Variants in PTPRC observed in about 807,000 individuals in gnomAD.
PTPRC encodes the protein receptor-type tyrosine-protein phosphatase C.
Under a neutral mutation model 155.9 loss-of-function variants are expected in PTPRC, and 44 were observed. The ratio of observed to expected loss-of-function variants is 0.28; its 90% CI spans 0.22 to 0.36. The LOEUF (loss-of-function observed/expected upper bound fraction) is 0.36. Among genes scored for constraint, PTPRC ranks in the 10% least tolerant of loss-of-function variants. The pLI is 1.00. For synonymous variants in PTPRC, 525 were observed against 533.1 expected, an observed-to-expected ratio of 0.98 and a Z score of 0.21; for missense variants, 1,401 against 1,564.6, an observed-to-expected ratio of 0.90 and a Z score of 1.76.
intron 5 of PTPRC, 82 bp from the exon 6 acceptor site, chr1:198,702,305 A>C: frequency 6.5e-7 from 1 of 1,548,304 alleles, no homozygotes; most frequent in Non-Finnish European, 8.9e-7. Context: ...TATCTTTAGT[A>C]ATTGTGTTTA....
chr1:198,649,460 A>G (rs931656592), intron 2 of PTPRC, among the ~76,000 whole-genome samples: 1 of 152,032 alleles, frequency 6.6e-6, no homozygotes, highest in East Asian at 1.9e-4. Context: ...ACCAAAGAAA[A>G]AGGAAAAGGT....
intron 28 of PTPRC, 36 bp downstream of exon 28, chr1:198,749,585 C>T (rs759829579): frequency 6.3e-7 from 1 of 1,589,128 alleles, no homozygotes; most frequent in Admixed American, 1.7e-5. Context: ...AAGATCCAAA[C>T]ATTTTAAAAT....
rs985421617 is a variant in PTPRC, at chr1:198,716,891, A to G, written c.1450+51A>G. On this transcript the variant is annotated intron_variant, in intron 13 of 32. Transcript: ENST00000442510. The stretch of plus-strand genomic sequence containing the variant: ...TTCCATAAATGGTAAAAAGCAAGGT[A>G]TGAACTTTTTAGCCTACAATATTTC... 4.5e-6 allele frequency: 7 copies of G among 1,559,970 alleles called. No individual in the cohort carries two copies. The South Asian group carries it at 5.6e-5, about 13-fold the overall frequency.
intron 25 of PTPRC, among the ~76,000 whole-genome samples, 156 bp from the exon 26 acceptor site, chr1:198,743,898 A>G (rs1655023722): frequency 6.6e-6 from 1 of 151,878 alleles, no homozygotes; most frequent in Admixed American, 6.6e-5. Context: ...CTGAGAGTGA[A>G]CTTCCAGAAT....
chr1:198,700,749 G>C (rs560447979), intron 5 of PTPRC, among the ~76,000 whole-genome samples: 16 of 147,878 alleles, frequency 1.1e-4, no homozygotes, highest in Admixed American at 3.3e-4. Flanking sequence ...TCTTCTCAAA[G>C]AAGTGGCTAA....
intron 2 of PTPRC, among the ~76,000 whole-genome samples, chr1:198,680,385 G>A (rs942071905): frequency 2.6e-5 from 4 of 151,766 alleles, no homozygotes; most frequent in Non-Finnish European, 5.9e-5. Flanking sequence ...CCCGGCAGGC[G>A]GAGGTTGCAG....
chr1:198,685,608 T>C (rs1665575702), intron 2 of PTPRC, among the ~76,000 whole-genome samples: 1 of 149,686 alleles, frequency 6.7e-6, no homozygotes, highest in Admixed American at 6.7e-5. Context: ...CTGTGGACCA[T>C]ATAGCAGATT....
chr1:198,648,615 T>G (rs1375313767), intron 2 of PTPRC, among the ~76,000 whole-genome samples: 7 of 151,852 alleles, frequency 4.6e-5, no homozygotes, highest in Non-Finnish European at 7.4e-5. Flanking sequence ...TTTAGCTACT[T>G]ACATGAACCA....
At position 198,742,150 on chromosome 1, in the gene PTPRC, G is replaced by T. The variant is rs1014607698; in HGVS notation, c.2562-82G>T. On this transcript the variant is annotated intron_variant, in intron 24 of 32. Coordinates refer to ENST00000442510, the MANE Select transcript of PTPRC (RefSeq NM_002838.5). ...CTATTTTGGGAAACAACCTATGGGAGAAGCTTAGATTCTTATATTGGCTTC... is the reference window on the plus strand; with the variant it reads ...CTATTTTGGGAAACAACCTATGGGATAAGCTTAGATTCTTATATTGGCTTC... 3.1e-6 allele frequency: 5 copies of T among 1,604,010 alleles called. No individual in the cohort carries two copies. In the African/African-American group the frequency reaches 6.7e-5, roughly 22 times the overall value.
At chr1:198,755,868 C>T (rs1339863517) in intron 32 of PTPRC, 38 bp from the exon 33 acceptor site, 2 of 1,565,402 alleles carry the variant, frequency 1.3e-6, no homozygotes, top group East Asian at 4.5e-5. Context: ...ATGACATCAA[C>T]TTTCTTCATG....
intron 2 of PTPRC, among the ~76,000 whole-genome samples, chr1:198,689,876 A>G (rs1273863131): frequency 2.0e-5 from 3 of 152,156 alleles, no homozygotes; most frequent in African/African-American, 4.8e-5. Flanking sequence ...CATGACTAAA[A>G]TGTCATTGCA....
intron 2 of PTPRC, among the ~76,000 whole-genome samples, chr1:198,667,688 A>G (rs1664399783): frequency 5.9e-5 from 9 of 152,232 alleles, no homozygotes; most frequent in Admixed American, 5.9e-4. Context: ...CTGCCTTGAA[A>G]ACATATTTAT....
chr1:198,749,949 GGTGA>G, intron 28 of PTPRC, among the ~76,000 whole-genome samples: 2 of 151,866 alleles, frequency 1.3e-5, no homozygotes, highest in South Asian at 4.2e-4. Context: ...TGAATTATTA[GGTGA>G]GTCTGTGTCA....
chr1:198,709,862 C>T (rs751734219), intron 11 of PTPRC, 38 bp downstream of exon 11: 5 of 1,601,966 alleles, frequency 3.1e-6, no homozygotes, highest in African/African-American at 1.3e-5. Flanking sequence ...AAAATTGCTT[C>T]TCTCTTCATG....
Position 198,706,846 on chromosome 1 carries a change from A to T in PTPRC, c.798A>T (p.Thr266=), listed in dbSNP as rs774517194. 4 of 1,612,966 alleles carry T rather than the reference A, an allele frequency of 2.5e-6. No homozygotes were observed. The South Asian group carries it at 4.4e-5, about 18-fold the overall frequency. The part of the protein sequence containing the change: ...ENVECGNNTC[T]NNEVHNLTEC... ...TGGAATGTGGAAACAATACTTGCAC[A>T]AACAATGAGGTGCATAACCTTACAG... is the stretch of plus-strand genomic sequence containing the variant. The change falls in exon 9 of 33, where the codon ACA becomes ACT. Residue 266 remains threonine, a synonymous_variant. Transcript: ENST00000442510.
intron 15 of PTPRC, among the ~76,000 whole-genome samples, chr1:198,725,500 G>A (rs1473767618): frequency 6.6e-6 from 1 of 152,154 alleles, no homozygotes; most frequent in East Asian, 1.9e-4. Context: ...GTGTGGTAAA[G>A]TGTGAAAAAG....
rs770812820 is a variant in PTPRC at position 198,718,175 on chromosome 1, G to A, written c.1532G>A (p.Arg511His). The A allele has an allele frequency of 1.3e-5, 21 of 1,613,168 alleles. 1 individual carries two copies. In the South Asian group the frequency reaches 1.3e-4, roughly 10 times the overall value. The change falls in exon 14 of 33, where the codon CGT becomes CAT. Residue 511 changes from arginine to histidine, a missense_variant. Physicochemically the swap from Arg to His is conservative, Grantham distance 29 (BLOSUM62 0). Coordinates refer to ENST00000442510, the MANE Select transcript of PTPRC (RefSeq NM_002838.5). ...GTCAAGTGTAGGCCTCCCAGGGACC[G>A]TAATGGCCCCCATGAACGTTACCAT... ...MHVKCRPPRD[R>H]NGPHERYHLE... is the part of the protein sequence containing the mutation.
At chr1:198,663,588 A>C (rs1038884739) in intron 2 of PTPRC, among the ~76,000 whole-genome samples, 1 of 152,220 alleles carries the variant, frequency 6.6e-6, no homozygotes, top group Non-Finnish European at 1.5e-5. Context: ...CTGAATCCAC[A>C]GCTGACCTAG....
At position 198,752,263 on chromosome 1, in the gene PTPRC, G is replaced by A. The variant is rs190241405; in HGVS notation, c.3222G>A (p.Gln1074=). 9 of 1,611,764 alleles carry A rather than the reference G, an allele frequency of 5.6e-6. No homozygotes were observed. The Admixed American group carries it at 1.5e-4, about 27-fold the overall frequency. Reference sequence around the variant, plus strand: ...CTTTTATCTAGGAAATCTGTGCTCAGTACTGGGGAGAAGGAAAGCAAACAT... The same window carrying A: ...CTTTTATCTAGGAAATCTGTGCTCAATACTGGGGAGAAGGAAAGCAAACAT... ...LKHGDQEICA[Q]YWGEGKQTYG... Residue 1074 remains glutamine (Q), a synonymous_variant, in exon 30 of 33, where the codon CAG becomes CAA. Transcript: ENST00000442510.
Sources: gnomAD v4.1 joint callset for allele counts (sites outside exome capture counted in the v4.1 genomes callset) on GRCh38, gnomAD v4.1.1 for gene constraint, MANE v1.5 for transcripts, NCBI Gene and HGNC (gene_info 2026-07-23, HGNC 2026-07-21) for gene names.